CPNE8: variants seen among roughly 807,000 people sequenced by gnomAD.
The protein encoded by CPNE8 is copine-8.
CPNE8 carries 45 observed loss-of-function variants against 81.5 expected under a neutral mutation model. That is an observed-to-expected ratio of 0.55 (90% CI 0.44 to 0.71). The LOEUF (loss-of-function observed/expected upper bound fraction) is 0.71. Ranked by LOEUF, CPNE8 falls within the 30% of genes least tolerant of loss-of-function variation. CPNE8 has a pLI of 0.00. For missense variants in CPNE8, 594 were observed against 672.1 expected (o/e 0.88, Z 1.28); for synonymous variants, 252 against 226.3 (o/e 1.11, Z -1.02).
At chr12:38,725,639 T>G (rs1940678946) in intron 11 of CPNE8, among the ~76,000 whole-genome samples, 1 of 152,206 alleles carries the variant, frequency 6.6e-6, no homozygotes, top group Non-Finnish European at 1.5e-5. Flanking sequence ...AAGTATTATT[T>G]GAACCACAAT....
intron 6 of CPNE8, 111 bp downstream of exon 6, chr12:38,829,268 A>C: frequency 1.5e-6 from 1 of 665,884 alleles, no homozygotes; most frequent in Non-Finnish European, 2.7e-6. Context: ...AAACTCAAAC[A>C]AGATTTTAAA....
intron 19 of CPNE8, among the ~76,000 whole-genome samples, chr12:38,667,839 C>A (rs561136003): frequency 4.0e-4 from 61 of 151,898 alleles, no homozygotes; most frequent in African/African-American, 1.4e-3. Context: ...CTCTTGTTGT[C>A]CAGGCTGGAG....
At chr12:38,729,081 A>T (rs1240793084) in intron 11 of CPNE8, among the ~76,000 whole-genome samples, 1 of 152,102 alleles carries the variant, frequency 6.6e-6, no homozygotes, top group Non-Finnish European at 1.5e-5. Context: ...AAGCTAGAGA[A>T]ACTAAAAGTG....
intron 7 of CPNE8, among the ~76,000 whole-genome samples, chr12:38,776,020 C>T (rs1346032339): frequency 3.3e-5 from 5 of 152,012 alleles, no homozygotes; most frequent in African/African-American, 4.8e-5. Context: ...ACTTTCAATT[C>T]CTTAAAAAGA....
chr12:38,747,944 T>G (rs1457523215), intron 10 of CPNE8, among the ~76,000 whole-genome samples: 2 of 152,180 alleles, frequency 1.3e-5, no homozygotes, highest in Admixed American at 1.3e-4. Context: ...ATTTTTCATT[T>G]TATTAAAAAA....
rs139863608 is a variant in CPNE8 at position 38,767,586 on chromosome 12, C to A, written c.575+49G>T. 367 of 1,051,028 alleles carry A rather than the reference C, an allele frequency of 3.5e-4. 2 individuals carry two copies. The South Asian group carries it at 6.4e-3, about 18-fold the overall frequency. 65.1% of individuals were successfully genotyped at this position (1,051,028 alleles called of 1,614,324 possible). On this transcript the variant is annotated intron_variant, in intron 8 of 19. Transcript: ENST00000331366. ...TTCTCTGAGAAAAATAATTATAATT[C>A]AAGTATCATCATTACCATATAGTTG...
chr12:38,778,239 G>C (rs1941975717), intron 6 of CPNE8, among the ~76,000 whole-genome samples: 1 of 152,142 alleles, frequency 6.6e-6, no homozygotes. Context: ...TACCAAAAAG[G>C]TTGGGGACTT....
chr12:38,710,722 T>C (rs922802283), intron 13 of CPNE8, among the ~76,000 whole-genome samples: 1 of 152,146 alleles, frequency 6.6e-6, no homozygotes, highest in African/African-American at 2.4e-5. Flanking sequence ...ATAATGTGGG[T>C]TAGTGATGTA....
At position 38,724,864 on chromosome 12, in the gene CPNE8, T is replaced by C. The variant is rs376855678; in HGVS notation, c.834A>G (p.Lys278=). 1 of 1,491,362 alleles carries C rather than the reference T, an allele frequency of 6.7e-7. No homozygotes were observed. Among genetic ancestry groups the C allele is most frequent in the Non-Finnish European group, 9.3e-7 (1 of 1,077,482 alleles). 92.4% of individuals were successfully genotyped at this position (1,491,362 alleles called of 1,614,324 possible). A position where few individuals can be genotyped will look rare whatever the true frequency, so the allele number is the denominator to read the frequency against. Residue 278 remains lysine, a synonymous_variant, in exon 12 of 20, where the codon AAA becomes AAG. Transcript: ENST00000331366. ...GACTTACTGTTCCAGAATTAGTATA[T>C]TTTTTCTTTTTTCCTTTCTTTTTGG... ...VNPKKKGKKK[K]YTNSGTVTLL...
intron 1 of CPNE8, among the ~76,000 whole-genome samples, chr12:38,899,718 C>T (rs1360786890): frequency 6.6e-6 from 1 of 152,144 alleles, no homozygotes; most frequent in Non-Finnish European, 1.5e-5. Context: ...ATAAGTTGCA[C>T]ATAGTACTTT....
rs1344248669 is a variant in CPNE8, at chr12:38,767,739, C to G, written c.472-1G>C. The G allele has an allele frequency of 2.0e-6, 3 of 1,525,108 alleles. No homozygotes were observed. The highest frequency in any genetic ancestry group is 1.4e-5 in the African/African-American group (1 of 70,026). 94.5% of individuals were successfully genotyped at this position (1,525,108 alleles called of 1,614,324 possible). ...CACAAAATTGCATCAAAACGGCATC[C>G]TAAAAACAAAATTAATAAAACAGTT... On this transcript the variant is annotated splice_acceptor_variant, in intron 7 of 19. Coordinates refer to ENST00000331366, the MANE Select transcript of CPNE8 (RefSeq NM_153634.3). LOFTEE classifies it high-confidence loss of function.
At chr12:38,722,413 T>G (rs1255585758) in intron 13 of CPNE8, among the ~76,000 whole-genome samples, 1 of 152,146 alleles carries the variant, frequency 6.6e-6, no homozygotes, top group African/African-American at 2.4e-5. Context: ...TTTGTTTGCT[T>G]TGTATCCTTA....
At chr12:38,824,458 TAA>T (rs771766262) in intron 6 of CPNE8, among the ~76,000 whole-genome samples, 6 of 151,982 alleles carry the variant, frequency 3.9e-5, no homozygotes, top group Admixed American at 1.3e-4. Flanking sequence ...ATCATAAATT[TAA>T]AAAGACTATC....
intron 19 of CPNE8, among the ~76,000 whole-genome samples, chr12:38,667,162 T>C (rs977960888): frequency 7.9e-5 from 12 of 152,168 alleles, no homozygotes; most frequent in African/African-American, 2.9e-4. Context: ...GTGTTGTGTG[T>C]ATAAACTGGA....
At chr12:38,791,510 C>T (rs189745109) in intron 6 of CPNE8, among the ~76,000 whole-genome samples, 1 of 151,210 alleles carries the variant, frequency 6.6e-6, no homozygotes, top group East Asian at 1.9e-4. Flanking sequence ...TAGAATTGCA[C>T]AATAATGAAA....
intron 6 of CPNE8, among the ~76,000 whole-genome samples, chr12:38,778,062 G>A (rs1025341392): frequency 6.6e-6 from 1 of 152,086 alleles, no homozygotes; most frequent in Non-Finnish European, 1.5e-5. Context: ...AACAAGCTCA[G>A]GGGTCCCACT....
chr12:38,717,080 A>C (rs1277044737), intron 13 of CPNE8, among the ~76,000 whole-genome samples: 1 of 152,090 alleles, frequency 6.6e-6, no homozygotes, highest in Admixed American at 6.5e-5. Context: ...AATTAAAACC[A>C]TGATGAGATA....
chr12:38,696,614 A>T (rs1451352102), intron 14 of CPNE8, among the ~76,000 whole-genome samples: 1 of 152,214 alleles, frequency 6.6e-6, no homozygotes, highest in African/African-American at 2.4e-5. Context: ...TACTTTTGTT[A>T]TACCCAATAT....
intron 3 of CPNE8, among the ~76,000 whole-genome samples, chr12:38,856,594 T>C (rs1028371208): frequency 1.3e-4 from 20 of 152,178 alleles, no homozygotes; most frequent in African/African-American, 3.4e-4. Context: ...TTTTCTTAGT[T>C]TTCCTATAAT....
Sources: allele counts gnomAD v4.1 joint callset (sites outside exome capture counted in the v4.1 genomes callset), GRCh38; gene constraint gnomAD v4.1.1; transcripts MANE v1.5; gene names NCBI Gene and HGNC (gene_info 2026-07-23, HGNC 2026-07-21).